The following CACNA2D1 variants were observed in gnomAD, a reference collection of about 807,000 sequenced individuals.
The protein encoded by CACNA2D1 is calcium voltage-gated channel auxiliary subunit alpha2delta 1.
A neutral mutation model predicts 171.5 loss-of-function variants in CACNA2D1; 53 were observed. The observed-to-expected ratio is 0.31, with a 90% CI of 0.25 to 0.39. The LOEUF (loss-of-function observed/expected upper bound fraction) is 0.39, where lower values mean the gene tolerates loss of function less well. CACNA2D1 is among the 10% of genes least tolerant of loss of function. The pLI, the probability that CACNA2D1 is intolerant of heterozygous loss-of-function variation, is 1.00. For synonymous variants in CACNA2D1, 442 were observed against 443.1 expected (o/e 1.00, Z 0.03); for missense variants, 903 against 1,299.8 (o/e 0.69, Z 4.69).
intron 4 of CACNA2D1, among the ~76,000 whole-genome samples, chr7:82,148,877 T>C (rs1793460395): frequency 6.6e-6 from 1 of 152,154 alleles, no homozygotes; most frequent in African/African-American, 2.4e-5. Context: ...CCTCAGGGGA[T>C]CCACTCACCT....
At chr7:82,012,310 C>T (rs747664023) in intron 14 of CACNA2D1, 67 bp from the exon 15 acceptor site, 62 of 840,226 alleles carry the variant, frequency 7.4e-5, no homozygotes, top group Non-Finnish European at 1.2e-4. Context: ...ATAAAAATTA[C>T]AGAGAAAAAA....
intron 2 of CACNA2D1, among the ~76,000 whole-genome samples, chr7:82,346,894 C>T (rs1313763346): frequency 6.6e-6 from 1 of 152,130 alleles, no homozygotes; most frequent in African/African-American, 2.4e-5. Context: ...CTAAAGCATA[C>T]AAGAAGGTGT....
chr7:82,007,927 G>T (rs1312603686), intron 15 of CACNA2D1, among the ~76,000 whole-genome samples, 171 bp from the exon 16 acceptor site: 1 of 151,996 alleles, frequency 6.6e-6, no homozygotes, highest in Non-Finnish European at 1.5e-5. Flanking sequence ...AAATATCAAG[G>T]AAAATATCTT....
At chr7:82,150,284 A>C (rs1204618028) in intron 4 of CACNA2D1, among the ~76,000 whole-genome samples, 1,487 of 137,190 alleles carry the variant, frequency 0.011, 52 homozygotes, top group Non-Finnish European at 0.017. Flanking sequence ...AACAACAACA[A>C]AAAAAAACAC....
intron 21 of CACNA2D1, among the ~76,000 whole-genome samples, chr7:81,988,026 A>G (rs567153582): frequency 6.6e-6 from 1 of 152,296 alleles, no homozygotes; most frequent in South Asian, 2.1e-4. Context: ...GAGGTTGAGC[A>G]TAGAGGCCAT....
At chr7:82,286,609 C>G (rs981678773) in intron 3 of CACNA2D1, among the ~76,000 whole-genome samples, 1 of 152,174 alleles carries the variant, frequency 6.6e-6, no homozygotes, top group Non-Finnish European at 1.5e-5. Context: ...AGTTTCCCTA[C>G]TTTCATATTC....
chr7:82,258,801 T>C (rs1321111064), intron 3 of CACNA2D1, among the ~76,000 whole-genome samples: 1 of 146,826 alleles, frequency 6.8e-6, no homozygotes, highest in Non-Finnish European at 1.5e-5. Context: ...AATTTCTTTC[T>C]TTCTTTCTTA....
At chr7:82,106,874 G>A (rs909558099) in intron 6 of CACNA2D1, among the ~76,000 whole-genome samples, 2 of 152,104 alleles carry the variant, frequency 1.3e-5, no homozygotes, top group Non-Finnish European at 2.9e-5. Context: ...TGTGGGCATT[G>A]TTCTCCTAAT....
At chr7:82,133,505 T>C (rs1454454894) in intron 5 of CACNA2D1, among the ~76,000 whole-genome samples, 3 of 152,196 alleles carry the variant, frequency 2.0e-5, no homozygotes, top group Non-Finnish European at 2.9e-5. Flanking sequence ...CTGGTCCTTT[T>C]TGTAAGTGAT....
chr7:82,309,041 A>G (rs1322353876), intron 3 of CACNA2D1, among the ~76,000 whole-genome samples: 1 of 152,204 alleles, frequency 6.6e-6, no homozygotes, highest in African/African-American at 2.4e-5. Context: ...TTATATGTCT[A>G]TATCTGTTAT....
rs772620716 is a variant in CACNA2D1, at chr7:82,374,056, C to T, written c.96-24407G>A. The stretch of plus-strand genomic sequence containing the variant: ...AGCTAAAGGTTGACATGGGTCAGTC[C>T]GCACGAAACCAGACATGAACAACAT... On this transcript the variant is annotated intron_variant, in intron 1 of 38. Coordinates refer to ENST00000356860, the MANE Select transcript of CACNA2D1 (RefSeq NM_000722.4). Among the ~76,000 whole-genome samples the T allele has an allele frequency of 3.5e-4, 54 of 152,238 alleles. 1 individual carries two copies. Among genetic ancestry groups the T allele is most frequent in the South Asian group, 8.3e-4 (4 of 4,824 alleles).
chr7:82,325,152 T>C (rs1816494287), intron 3 of CACNA2D1, among the ~76,000 whole-genome samples: 1 of 152,210 alleles, frequency 6.6e-6, no homozygotes, highest in South Asian at 2.1e-4. Context: ...ACATTGAGAT[T>C]GGAAGATGTA....
intron 3 of CACNA2D1, among the ~76,000 whole-genome samples, chr7:82,193,157 G>C (rs977380631): frequency 1.3e-5 from 2 of 150,114 alleles, no homozygotes; most frequent in Non-Finnish European, 3.0e-5. Context: ...CTTTACCCGG[G>C]CTTCAACCCC....
intron 6 of CACNA2D1, among the ~76,000 whole-genome samples, chr7:82,111,316 G>A (rs972691404): frequency 2.8e-4 from 24 of 85,036 alleles, no homozygotes; most frequent in Admixed American, 4.4e-4. Context: ...ATATATATAC[G>A]TGTATATACG....
At chr7:82,197,146 T>C (rs1273334045) in intron 3 of CACNA2D1, among the ~76,000 whole-genome samples, 2 of 151,962 alleles carry the variant, frequency 1.3e-5, no homozygotes, top group African/African-American at 2.4e-5. Context: ...TCGTTGGATA[T>C]GAAAATTTAT....
intron 3 of CACNA2D1, among the ~76,000 whole-genome samples, chr7:82,218,179 C>T (rs1339122107): frequency 6.6e-6 from 1 of 152,074 alleles, no homozygotes; most frequent in African/African-American, 2.4e-5. Context: ...CGTGATCCAC[C>T]CGCCTCAGCC....
At chr7:81,963,333 C>T (rs1794359246) in intron 34 of CACNA2D1, among the ~76,000 whole-genome samples, 1 of 151,444 alleles carries the variant, frequency 6.6e-6, no homozygotes, top group South Asian at 2.1e-4. Flanking sequence ...TGGAATAGGG[C>T]TAACAATACA....
chr7:81,984,771 A>T, intron 21 of CACNA2D1, 60 bp from the exon 22 acceptor site: 1 of 864,434 alleles, frequency 1.2e-6, no homozygotes, highest in Non-Finnish European at 1.9e-6. Context: ...ATAACTTAAA[A>T]AAAAGACACA....
At chr7:82,354,998 C>G (rs1162907418) in intron 1 of CACNA2D1, among the ~76,000 whole-genome samples, 1 of 152,086 alleles carries the variant, frequency 6.6e-6, no homozygotes, top group African/African-American at 2.4e-5. Flanking sequence ...AGAATTTTAT[C>G]ATAATATTTA....
Sources: gnomAD v4.1 joint callset for allele counts (sites outside exome capture counted in the v4.1 genomes callset) on GRCh38, gnomAD v4.1.1 for gene constraint, MANE v1.5 for transcripts, NCBI Gene and HGNC (gene_info 2026-07-23, HGNC 2026-07-21) for gene names.